The following ARHGAP24 variants were observed in gnomAD, a reference collection of about 807,000 sequenced individuals.
ARHGAP24 encodes the protein Rho GTPase activating protein 24.
In ARHGAP24, 50 loss-of-function variants were observed where a neutral mutation model predicts 76.4. The observed-to-expected ratio is 0.65, with a 90% confidence interval of 0.52 to 0.83. The LOEUF (loss-of-function observed/expected upper bound fraction) is 0.83, where lower values mean the gene tolerates loss of function less well. Among genes scored for constraint, ARHGAP24 ranks in the 40% least tolerant of loss-of-function variants. The probability of loss-of-function intolerance (pLI) is 0.00; values close to 1 mark genes in which losing one functional copy is unlikely to be tolerated. For missense variants in ARHGAP24, 930 were observed against 914.2 expected (o/e 1.02, Z -0.22); for synonymous variants, 345 against 323.3 (o/e 1.07, Z -0.72).
chr4:85,645,762 A>G (rs1409554515), intron 2 of ARHGAP24, among the ~76,000 whole-genome samples: 1 of 152,134 alleles, frequency 6.6e-6, no homozygotes, highest in Non-Finnish European at 1.5e-5. Context: ...GAGAACTTCC[A>G]GAAGACACTG....
intron 4 of ARHGAP24, among the ~76,000 whole-genome samples, chr4:85,939,928 A>C (rs1050405833): frequency 6.6e-6 from 1 of 152,184 alleles, no homozygotes; most frequent in Admixed American, 6.5e-5. Flanking sequence ...CACATACATA[A>C]AATTTATTCC....
At chr4:85,486,936 G>T (rs1240964597) in intron 1 of ARHGAP24, among the ~76,000 whole-genome samples, 1 of 151,656 alleles carries the variant, frequency 6.6e-6, no homozygotes, top group Non-Finnish European at 1.5e-5. Context: ...CATCTGTATT[G>T]GCTTTGTAAA....
At chr4:85,599,790 G>A (rs1323366459) in intron 2 of ARHGAP24, among the ~76,000 whole-genome samples, 2 of 151,874 alleles carry the variant, frequency 1.3e-5, no homozygotes, top group Non-Finnish European at 2.9e-5. Flanking sequence ...TTCTATAATT[G>A]CAGAAATTAT....
chr4:85,477,191 A>G (rs761564866), intron 1 of ARHGAP24, among the ~76,000 whole-genome samples: 4 of 152,206 alleles, frequency 2.6e-5, no homozygotes, highest in Non-Finnish European at 5.9e-5. Context: ...TGGTACTAGG[A>G]AAAATAATCG....
intron 5 of ARHGAP24, among the ~76,000 whole-genome samples, chr4:85,950,225 G>T (rs940338372): frequency 6.6e-6 from 1 of 152,266 alleles, no homozygotes; most frequent in South Asian, 2.1e-4. Flanking sequence ...AGACACAGTG[G>T]CTTATGCCTG....
chr4:85,618,091 A>G (rs1487585396), intron 2 of ARHGAP24, among the ~76,000 whole-genome samples: 2 of 152,158 alleles, frequency 1.3e-5, no homozygotes, highest in Non-Finnish European at 2.9e-5. Flanking sequence ...AATCTCCAGG[A>G]CTTATTCATC....
At chr4:85,751,642 A>G (rs1441957986) in intron 3 of ARHGAP24, among the ~76,000 whole-genome samples, 1 of 152,260 alleles carries the variant, frequency 6.6e-6, no homozygotes, top group Admixed American at 6.5e-5. Flanking sequence ...GGATAAAATG[A>G]GAAAACAGTG....
chr4:85,596,712 T>G (rs963339552), intron 2 of ARHGAP24, among the ~76,000 whole-genome samples: 1 of 152,094 alleles, frequency 6.6e-6, no homozygotes, highest in Non-Finnish European at 1.5e-5. Context: ...GAATAATATT[T>G]GTATATAAAA....
intron 1 of ARHGAP24, among the ~76,000 whole-genome samples, chr4:85,495,043 C>A (rs556957120): frequency 6.9e-6 from 1 of 145,608 alleles, no homozygotes; most frequent in African/African-American, 2.6e-5. Context: ...TGCAGTGAGC[C>A]GAGATCGCGC....
intron 1 of ARHGAP24, among the ~76,000 whole-genome samples, chr4:85,541,279 A>G (rs899450828): frequency 3.1e-5 from 4 of 130,842 alleles, no homozygotes; most frequent in Non-Finnish European, 6.1e-5. Flanking sequence ...TCAGCCTCCC[A>G]AGTAGCTGGG....
chr4:85,517,191 C>G (rs917607395), intron 1 of ARHGAP24, among the ~76,000 whole-genome samples: 1 of 152,148 alleles, frequency 6.6e-6, no homozygotes, highest in Non-Finnish European at 1.5e-5. Context: ...ACATTTAAAT[C>G]TGTATATAGG....
At chr4:85,501,194 T>A (rs1169740941) in intron 1 of ARHGAP24, among the ~76,000 whole-genome samples, 1 of 152,260 alleles carries the variant, frequency 6.6e-6, no homozygotes, top group Non-Finnish European at 1.5e-5. Flanking sequence ...TATGTGTGCA[T>A]GTGTCTTTAT....
intron 1 of ARHGAP24, among the ~76,000 whole-genome samples, chr4:85,505,751 C>T (rs896814678): frequency 6.6e-6 from 1 of 152,108 alleles, no homozygotes; most frequent in African/African-American, 2.4e-5. Context: ...CATTCTCCAT[C>T]CAGCTTTGTT....
intron 2 of ARHGAP24, among the ~76,000 whole-genome samples, chr4:85,686,342 T>C (rs1578140111): frequency 2.0e-5 from 3 of 151,878 alleles, no homozygotes; most frequent in Admixed American, 2.0e-4. Context: ...GCACCTAGAG[T>C]TTAGAATGTA....
At chr4:85,855,899 T>A (rs1462690110) in intron 3 of ARHGAP24, among the ~76,000 whole-genome samples, 1 of 152,182 alleles carries the variant, frequency 6.6e-6, no homozygotes, top group Non-Finnish European at 1.5e-5. Flanking sequence ...ATGCCCCATA[T>A]AAAATCAATT....
At chr4:85,861,965 G>A (rs1731929093) in intron 3 of ARHGAP24, among the ~76,000 whole-genome samples, 1 of 151,960 alleles carries the variant, frequency 6.6e-6, no homozygotes, top group Admixed American at 6.6e-5. Context: ...GAATATAGAA[G>A]TTCTCTGAAT....
intron 3 of ARHGAP24, among the ~76,000 whole-genome samples, chr4:85,870,806 T>G (rs1375632268): frequency 6.6e-6 from 1 of 152,112 alleles, no homozygotes; most frequent in Admixed American, 6.6e-5. Context: ...TTCAGAAATA[T>G]CAAGAAGGGG....
intron 1 of ARHGAP24, among the ~76,000 whole-genome samples, chr4:85,553,243 T>A (rs1399024283): frequency 6.6e-6 from 1 of 152,076 alleles, no homozygotes; most frequent in Non-Finnish European, 1.5e-5. Context: ...CAGCAAGAGT[T>A]ACTGTGAAGA....
intron 8 of ARHGAP24, among the ~76,000 whole-genome samples, chr4:85,980,772 G>A (rs13116843): frequency 6.6e-6 from 1 of 151,974 alleles, no homozygotes; most frequent in Non-Finnish European, 1.5e-5. Flanking sequence ...CATTCAGGAG[G>A]TCCATGGCCT....
Sources: allele counts gnomAD v4.1 joint callset (sites outside exome capture counted in the v4.1 genomes callset), GRCh38; gene constraint gnomAD v4.1.1; transcripts MANE v1.5; gene names NCBI Gene and HGNC (gene_info 2026-07-23, HGNC 2026-07-21).